The following GPHN variants were observed in gnomAD, a reference collection of about 807,000 sequenced individuals.
GPHN encodes the protein gephyrin.
Under a neutral mutation model 95.5 loss-of-function variants are expected in GPHN, and 17 were observed. That is an observed-to-expected ratio of 0.18 (90% CI 0.12 to 0.27). GPHN has a LOEUF of 0.27. Ranked by LOEUF, GPHN falls within the 10% of genes least tolerant of loss-of-function variation. The pLI is 1.00. For missense variants in GPHN, 660 were observed against 978.1 expected, an observed-to-expected ratio of 0.67 and a Z score of 4.34; for synonymous variants, 320 against 322.5, an observed-to-expected ratio of 0.99 and a Z score of 0.08.
chr14:67,524,661 C>A, the GPHN span, among the ~76,000 whole-genome samples: 9 of 152,222 alleles, frequency 5.9e-5, no homozygotes, highest in Non-Finnish European at 8.8e-5. Flanking sequence ...AGGGACCCAA[C>A]TTAACTCTGT....
intron 3 of GPHN, among the ~76,000 whole-genome samples, chr14:66,808,398 A>G (rs977543697): frequency 6.6e-6 from 1 of 152,196 alleles, no homozygotes; most frequent in Non-Finnish European, 1.5e-5. Flanking sequence ...TGGCTTGTCA[A>G]TCTTTCAGTT....
At chr14:66,560,090 T>G (rs866979412) in intron 1 of GPHN, among the ~76,000 whole-genome samples, 5 of 152,246 alleles carry the variant, frequency 3.3e-5, no homozygotes, top group South Asian at 2.1e-4. Context: ...TTCTGTTCCA[T>G]TGGTCTATAT....
rs150594493 is a variant in GPHN, at chr14:66,976,388, C to G, written c.963+11063C>G. ...ACATATTTTGTATAAAACAGCCCAACAAATATAAGTGGTCCGTCCTATCAT... is the reference window on the plus strand; with the variant it reads ...ACATATTTTGTATAAAACAGCCCAAGAAATATAAGTGGTCCGTCCTATCAT... On this transcript the variant is annotated intron_variant, in intron 9 of 22. Coordinates refer to ENST00000478722, the MANE Select transcript of GPHN (RefSeq NM_020806.5). Among the ~76,000 whole-genome samples the G allele has an allele frequency of 1.0e-3, 156 of 152,214 alleles. 2 individuals carry two copies. The East Asian group carries it at 0.025, about 25-fold the overall frequency.
chr14:66,812,317 T>TA (rs1347273633), intron 3 of GPHN, among the ~76,000 whole-genome samples: 4 of 152,180 alleles, frequency 2.6e-5, no homozygotes, highest in Non-Finnish European at 4.4e-5. Context: ...TACTAAAATT[T>TA]AAAAAAATCA....
At chr14:66,911,801 C>T (rs867572039) in intron 5 of GPHN, among the ~76,000 whole-genome samples, 1 of 151,954 alleles carries the variant, frequency 6.6e-6, no homozygotes, top group African/African-American at 2.4e-5. Context: ...TTAAAAATTA[C>T]TCTTTTTGTA....
chr14:67,174,279 G>A (rs1196928768), intron 21 of GPHN, among the ~76,000 whole-genome samples: 1 of 132,508 alleles, frequency 7.5e-6, no homozygotes, highest in Non-Finnish European at 1.5e-5. Flanking sequence ...CCCTCCCTGT[G>A]TCCGTGTGTT....
intron 8 of GPHN, among the ~76,000 whole-genome samples, chr14:66,926,187 C>G (rs1334793125): frequency 6.6e-6 from 1 of 152,030 alleles, no homozygotes; most frequent in Non-Finnish European, 1.5e-5. Flanking sequence ...TCTCCCATAC[C>G]TTGGATTCTC....
intron 10 of GPHN, among the ~76,000 whole-genome samples, chr14:67,057,415 G>C (rs990829814): frequency 6.6e-6 from 1 of 151,382 alleles, no homozygotes; most frequent in African/African-American, 2.4e-5. Flanking sequence ...CATGGGTGGG[G>C]GGGGCAACAG....
chr14:67,238,777 G>T, the GPHN span, among the ~76,000 whole-genome samples: 1 of 152,138 alleles, frequency 6.6e-6, no homozygotes, highest in East Asian at 1.9e-4. Flanking sequence ...CCAAGTAGCT[G>T]GGATTATAAG....
At chr14:67,659,907 C>T in the GPHN span, 2 of 1,613,150 alleles carry the variant, frequency 1.2e-6, no homozygotes, top group Admixed American at 1.7e-5. Context: ...CGTAGCTCCT[C>T]CTCCATCTCT....
intron 8 of GPHN, among the ~76,000 whole-genome samples, chr14:66,950,320 T>A (rs1318226343): frequency 1.3e-5 from 2 of 152,184 alleles, no homozygotes; most frequent in African/African-American, 4.8e-5. Flanking sequence ...AGATCCTCAC[T>A]ACTCCATGGC....
chr14:67,381,700 G>A, the GPHN span: 8 of 1,592,726 alleles, frequency 5.0e-6, no homozygotes, highest in East Asian at 2.2e-5. Flanking sequence ...GGTGAGTCAT[G>A]AGTTGTCTCC....
At chr14:66,801,205 A>T (rs933356627) in intron 3 of GPHN, among the ~76,000 whole-genome samples, 3 of 151,754 alleles carry the variant, frequency 2.0e-5, no homozygotes. Flanking sequence ...CTGGTGCCTT[A>T]TTTAGTTCAT....
the GPHN span, chr14:67,353,022 C>T: frequency 5.0e-6 from 8 of 1,613,458 alleles, 1 homozygote; most frequent in South Asian, 8.8e-5. Context: ...TTAAACGAGC[C>T]TTCATGATGG....
the GPHN span, among the ~76,000 whole-genome samples, chr14:67,458,456 T>A: frequency 2.6e-5 from 4 of 152,304 alleles, 1 homozygote; most frequent in Admixed American, 1.3e-4. Context: ...GTCCCCAGCA[T>A]CCCTAGTGGG....
At chr14:67,063,985 G>A (rs1413933281) in intron 11 of GPHN, among the ~76,000 whole-genome samples, 1 of 152,210 alleles carries the variant, frequency 6.6e-6, no homozygotes, top group Non-Finnish European at 1.5e-5. Flanking sequence ...TAGGAGTGGT[G>A]AGAGAAGACA....
At chr14:67,483,249 G>T in the GPHN span, among the ~76,000 whole-genome samples, 1 of 152,124 alleles carries the variant, frequency 6.6e-6, no homozygotes, top group African/African-American at 2.4e-5. Context: ...GACCTCAAGT[G>T]ATCTGCCTGC....
At chr14:67,168,068 T>C (rs898566288) in intron 20 of GPHN, among the ~76,000 whole-genome samples, 3 of 152,206 alleles carry the variant, frequency 2.0e-5, no homozygotes, top group African/African-American at 7.2e-5. Context: ...CAGAATACCA[T>C]AGACTGGGTA....
chr14:67,049,211 T>TTTG (rs139585227), intron 10 of GPHN, among the ~76,000 whole-genome samples: 28,320 of 150,864 alleles, frequency 0.19, 2,874 homozygotes, highest in East Asian at 0.23. Flanking sequence ...GCTGATTAAG[T>TTTG]TTGTTGTTGT....
Sources: gnomAD v4.1 joint callset for allele counts (sites outside exome capture counted in the v4.1 genomes callset) on GRCh38, gnomAD v4.1.1 for gene constraint, MANE v1.5 for transcripts, NCBI Gene and HGNC (gene_info 2026-07-23, HGNC 2026-07-21) for gene names.